Variants in DGKD observed in about 807,000 individuals in gnomAD.
DGKD encodes the protein DAG kinase delta.
In DGKD, 68 loss-of-function variants were observed where a neutral mutation model predicts 154.4. The ratio of observed to expected loss-of-function variants is 0.44; its 90% confidence interval spans 0.36 to 0.54. The LOEUF is 0.54. Among genes scored for constraint, DGKD ranks in the 20% least tolerant of loss-of-function variants. DGKD has a pLI of 0.00. For missense variants in DGKD, 1,343 were observed against 1,593.6 expected, an observed-to-expected ratio of 0.84 and a Z score of 2.68; for synonymous variants, 693 against 638.0, an observed-to-expected ratio of 1.09 and a Z score of -1.30.
intron 3 of DGKD, among the ~76,000 whole-genome samples, chr2:233,408,576 A>G (rs1246489399): frequency 6.6e-6 from 1 of 152,194 alleles, no homozygotes; most frequent in Non-Finnish European, 1.5e-5. Context: ...GTGTTCCAGG[A>G]GAACCTGACT....
At chr2:233,391,544 G>A (rs1003536056) in intron 3 of DGKD, among the ~76,000 whole-genome samples, 2 of 152,110 alleles carry the variant, frequency 1.3e-5, no homozygotes, top group African/African-American at 2.4e-5. Context: ...TGACTTTAGC[G>A]CCTGCCTGTG....
chr2:233,465,945 A>G (rs1404532973), intron 27 of DGKD, among the ~76,000 whole-genome samples: 1 of 152,224 alleles, frequency 6.6e-6, no homozygotes, highest in Non-Finnish European at 1.5e-5. Context: ...AAAATTGCAT[A>G]TGTAAGACAA....
chr2:233,388,233 A>C (rs1269400285), intron 1 of DGKD, 24 bp from the exon 2 acceptor site: 1 of 1,601,468 alleles, frequency 6.2e-7, no homozygotes, highest in Non-Finnish European at 8.5e-7. Flanking sequence ...ACGCAAGTTT[A>C]TGAATATGTT....
chr2:233,387,746 A>C lies in DGKD; in HGVS notation c.157-511A>C, dbSNP rs3749080. ...TGCAGATGCACACGCCAGGCCTGTG[A>C]GTGGTGGGTTGGGCTGAGGGCGCGG... On this transcript the variant is annotated intron_variant, in intron 1 of 29. Transcript: ENST00000264057. Among the ~76,000 whole-genome samples the C allele has an allele frequency of 1.4e-3, 215 of 152,152 alleles. 5 individuals are homozygous for C. In the East Asian group the frequency reaches 0.032, roughly 22 times the overall value.
intron 19 of DGKD, 65 bp downstream of exon 19, chr2:233,454,938 AG>A: frequency 9.5e-7 from 1 of 1,048,200 alleles, no homozygotes; most frequent in Non-Finnish European, 1.5e-6. Context: ...TCCAGACAGT[AG>A]CAGATTTCTG....
intron 3 of DGKD, among the ~76,000 whole-genome samples, chr2:233,396,708 G>A (rs1704058208): frequency 6.6e-6 from 1 of 152,130 alleles, no homozygotes; most frequent in Non-Finnish European, 1.5e-5. Flanking sequence ...AGCCTGAGAG[G>A]GTATGTGTGT....
At chr2:233,371,265 A>C (rs1702306767) in intron 1 of DGKD, among the ~76,000 whole-genome samples, 1 of 151,922 alleles carries the variant, frequency 6.6e-6, no homozygotes, top group Admixed American at 6.6e-5. Flanking sequence ...TAATTTAAGA[A>C]TATTATATTA....
rs527465700 is a variant in DGKD, at chr2:233,454,820, G to A, written c.2322G>A (p.Ala774=). 8.7e-6 allele frequency: 14 copies of A among 1,614,088 alleles called. No homozygotes were observed. The highest frequency in any genetic ancestry group is 2.2e-5 in the East Asian group (1 of 44,874). ...ACTATTTTGGCATTGGCCTGGATGC[G>A]AAGATATCCCTGGACTTTAACAACA... ...MNNYFGIGLD[A]KISLDFNNKR... Residue 774 remains alanine, a synonymous_variant, in exon 19 of 30, where the codon GCG becomes GCA. Transcript: ENST00000264057.
In DGKD at chr2:233,458,697, C is replaced by T. The variant is rs1042808014; in HGVS notation, c.2694+300C>T. On this transcript the variant is annotated intron_variant, in intron 22 of 29. Coordinates refer to ENST00000264057, the MANE Select transcript of DGKD (RefSeq NM_152879.3). The surrounding 1 kb of genome is among the most constrained non-coding windows in gnomAD (Gnocchi z 6.6). ...TGCAATCTCGGCTTGCTGCAACCTC[C>T]ACCTCCCTGGTTCAAGTGATTCTCC... Among the ~76,000 whole-genome samples, 12 of 151,810 alleles carry T rather than the reference C, an allele frequency of 7.9e-5. No homozygotes were observed. The highest frequency in any genetic ancestry group is 3.4e-3 in the Middle Eastern group (1 of 294).
At chr2:233,402,644 T>G (rs1016440618) in intron 3 of DGKD, among the ~76,000 whole-genome samples, 1 of 152,222 alleles carries the variant, frequency 6.6e-6, no homozygotes. Flanking sequence ...TCCCAGCTCA[T>G]GTCCGGCCGG....
chr2:233,454,355 A>G, intron 18 of DGKD: 2 of 470,188 alleles, frequency 4.3e-6, no homozygotes, highest in Admixed American at 4.7e-5. Flanking sequence ...GTCCTGAGGA[A>G]GAGAAAGGAG....
chr2:233,425,125 C>CA (rs1239014788), intron 3 of DGKD, among the ~76,000 whole-genome samples: 2 of 151,820 alleles, frequency 1.3e-5, no homozygotes, highest in Non-Finnish European at 2.9e-5. Flanking sequence ...ATTGTTCTTT[C>CA]AAATAGAATT....
intron 19 of DGKD, among the ~76,000 whole-genome samples, chr2:233,455,717 G>A (rs2063439809): frequency 6.6e-6 from 1 of 152,284 alleles, no homozygotes; most frequent in Non-Finnish European, 1.5e-5. Flanking sequence ...GTGGCCCCCT[G>A]TGGCCTCGCC....
At chr2:233,386,307 C>A in intron 1 of DGKD, 1 of 266,692 alleles carries the variant, frequency 3.7e-6, no homozygotes, top group Non-Finnish European at 7.5e-6. Flanking sequence ...ATGTTTCAGG[C>A]TTCCATGGAT....
At chr2:233,454,350 G>A in intron 18 of DGKD, 1 of 470,006 alleles carries the variant, frequency 2.1e-6, no homozygotes, top group Non-Finnish European at 4.4e-6. Flanking sequence ...ACATCGTCCT[G>A]AGGAAGAGAA....
At chr2:233,401,856 G>T (rs200536651) in intron 3 of DGKD, among the ~76,000 whole-genome samples, 9 of 143,280 alleles carry the variant, frequency 6.3e-5, no homozygotes, top group African/African-American at 2.3e-4. Flanking sequence ...GGAGGCAGAG[G>T]TTGCAGTGAG....
chr2:233,462,792 C>A (rs112152806), intron 26 of DGKD, 57 bp downstream of exon 26: 6 of 1,486,856 alleles, frequency 4.0e-6, no homozygotes, highest in South Asian at 3.4e-5. Context: ...CGACTGCTGT[C>A]GCCAGGTTGC....
chr2:233,379,973 C>G (rs1307920210), intron 1 of DGKD: 1 of 152,190 alleles, frequency 6.6e-6, no homozygotes, highest in East Asian at 1.9e-4. Context: ...GCATTTTTAA[C>G]AAACGTTCCA....
At chr2:233,383,652 T>C (rs1703014713) in intron 1 of DGKD, among the ~76,000 whole-genome samples, 1 of 152,220 alleles carries the variant, frequency 6.6e-6, no homozygotes, top group Non-Finnish European at 1.5e-5. Flanking sequence ...CTCACGCGTG[T>C]GGTGTCCTTG....
Sources: allele counts gnomAD v4.1 joint callset (sites outside exome capture counted in the v4.1 genomes callset), GRCh38; gene constraint gnomAD v4.1.1; non-coding constraint Gnocchi (gnomAD v3.1); transcripts MANE v1.5; gene names NCBI Gene and HGNC (gene_info 2026-07-23, HGNC 2026-07-21).